The following FOXN3 variants were observed in gnomAD, a reference collection of about 807,000 sequenced individuals.
The protein encoded by FOXN3 is forkhead box N3.
In FOXN3, 7 loss-of-function variants were observed where a neutral mutation model predicts 38.4. The observed-to-expected ratio is 0.18, with a 90% confidence interval of 0.10 to 0.34. The LOEUF (loss-of-function observed/expected upper bound fraction) is 0.34. Ranked by LOEUF, FOXN3 falls within the 10% of genes least tolerant of loss-of-function variation. FOXN3 has a pLI of 1.00. For synonymous variants in FOXN3, 230 were observed against 242.2 expected (o/e 0.95, Z 0.47); for missense variants, 456 against 613.4 (o/e 0.74, Z 2.71).
chr14:89,168,787 A>C (rs1887309029), intron 5 of FOXN3, among the ~76,000 whole-genome samples: 1 of 152,264 alleles, frequency 6.6e-6, no homozygotes, highest in East Asian at 1.9e-4. Context: ...GGGATAAAAA[A>C]AATAAAGTCC....
intron 1 of FOXN3, among the ~76,000 whole-genome samples, chr14:89,534,675 C>T (rs1358102985): frequency 6.6e-6 from 1 of 152,146 alleles, no homozygotes; most frequent in Non-Finnish European, 1.5e-5. Flanking sequence ...TAGAAATGTC[C>T]ATGCCCAGGC....
At chr14:89,328,006 C>A (rs1293244833) in intron 3 of FOXN3, among the ~76,000 whole-genome samples, 2 of 152,218 alleles carry the variant, frequency 1.3e-5, no homozygotes, top group Non-Finnish European at 2.9e-5. Context: ...TAGCATTCTC[C>A]CAGACCACAG....
intron 1 of FOXN3, among the ~76,000 whole-genome samples, chr14:89,577,713 G>A (rs943392260): frequency 5.3e-5 from 8 of 152,058 alleles, no homozygotes; most frequent in Non-Finnish European, 1.0e-4. Flanking sequence ...CTTCGGACCC[G>A]GGGAAAATTC....
intron 1 of FOXN3, among the ~76,000 whole-genome samples, chr14:89,494,471 G>C (rs1277591558): frequency 6.6e-6 from 1 of 152,234 alleles, no homozygotes; most frequent in Non-Finnish European, 1.5e-5. Flanking sequence ...GTCTGCTTAA[G>C]GTGGTGCAGC....
chr14:89,601,308 C>T, intron 1 of FOXN3, among the ~76,000 whole-genome samples: 1 of 152,164 alleles, frequency 6.6e-6, no homozygotes, highest in East Asian at 1.9e-4. Context: ...AAAACACAGG[C>T]TTTATCAGCA....
chr14:89,408,382 T>C (rs4904566), intron 2 of FOXN3, among the ~76,000 whole-genome samples: 151,175 of 151,810 alleles, frequency 1, 75,276 homozygotes, highest in Middle Eastern at 1. Flanking sequence ...CTCAGCCTCC[T>C]GAGTAGCTGG....
At chr14:89,187,020 T>C (rs1887825344) in intron 4 of FOXN3, among the ~76,000 whole-genome samples, 2 of 152,152 alleles carry the variant, frequency 1.3e-5, no homozygotes, top group Admixed American at 6.5e-5. Flanking sequence ...TCTGCCGGCC[T>C]TGAGCTACCT....
At chr14:89,419,254 C>T, upstream of FOXN3, 2 of 453,752 alleles carry the variant, frequency 4.4e-6, no homozygotes, top group Non-Finnish European at 8.9e-6. Context: ...GTCTGCCTGT[C>T]GGTCTATCTG....
intron 1 of FOXN3, among the ~76,000 whole-genome samples, chr14:89,525,512 T>C (rs1191682238): frequency 6.6e-6 from 1 of 152,132 alleles, no homozygotes; most frequent in Non-Finnish European, 1.5e-5. Context: ...TCACCCCTTA[T>C]TTAGCATACA....
At chr14:89,499,349 C>G (rs1292167185) in intron 1 of FOXN3, among the ~76,000 whole-genome samples, 2 of 152,110 alleles carry the variant, frequency 1.3e-5, no homozygotes, top group African/African-American at 4.8e-5. Flanking sequence ...GAAGTGCCGA[C>G]TTTTGGAAGT....
intron 2 of FOXN3, among the ~76,000 whole-genome samples, chr14:89,410,598 C>T (rs1256336811): frequency 1.3e-5 from 2 of 152,172 alleles, no homozygotes; most frequent in African/African-American, 4.8e-5. Context: ...ATAGGCCAGG[C>T]GTGGTGGCTC....
chr14:89,269,962 G>A (rs1320525636), intron 4 of FOXN3, among the ~76,000 whole-genome samples: 1 of 152,154 alleles, frequency 6.6e-6, no homozygotes, highest in Non-Finnish European at 1.5e-5. Context: ...GTACCTTTCT[G>A]AACAAATCTT....
At chr14:89,556,009 T>A (rs1180056259) in intron 1 of FOXN3, among the ~76,000 whole-genome samples, 1 of 152,130 alleles carries the variant, frequency 6.6e-6, no homozygotes, top group Non-Finnish European at 1.5e-5. Flanking sequence ...GAATTTTTAC[T>A]TTCTATTTAC....
chr14:89,277,380 C>T (rs12881312), intron 4 of FOXN3, among the ~76,000 whole-genome samples: 76 of 152,220 alleles, frequency 5.0e-4, no homozygotes, highest in Non-Finnish European at 8.5e-4. Flanking sequence ...CCTTCTAATG[C>T]TCTGCTTGGT....
At chr14:89,464,738 G>C (rs528329829) in intron 1 of FOXN3, among the ~76,000 whole-genome samples, 1 of 151,894 alleles carries the variant, frequency 6.6e-6, no homozygotes, top group Non-Finnish European at 1.5e-5. Context: ...TTGCTCTGTC[G>C]CCAAGCTGGG....
At chr14:89,179,495 G>A (rs945262331) in intron 5 of FOXN3, among the ~76,000 whole-genome samples, 1 of 152,184 alleles carries the variant, frequency 6.6e-6, no homozygotes, top group African/African-American at 2.4e-5. Flanking sequence ...AGAAGGAGAG[G>A]GATGGTACCT....
At chr14:89,579,634 C>T (rs1179187972) in intron 1 of FOXN3, among the ~76,000 whole-genome samples, 1 of 152,164 alleles carries the variant, frequency 6.6e-6, no homozygotes, top group African/African-American at 2.4e-5. Context: ...TCCAGCCACA[C>T]AGGTCCTTCT....
intron 1 of FOXN3, among the ~76,000 whole-genome samples, chr14:89,425,404 G>A (rs1892005623): frequency 6.6e-6 from 1 of 151,012 alleles, no homozygotes; most frequent in East Asian, 2.0e-4. Flanking sequence ...GTCCTGCTCT[G>A]TTGCCCAGGC....
chr14:89,352,605 A>T (rs919121305), intron 2 of FOXN3, among the ~76,000 whole-genome samples: 1 of 152,218 alleles, frequency 6.6e-6, no homozygotes, highest in African/African-American at 2.4e-5. Flanking sequence ...GCTCCAAACC[A>T]GCAATAGCTA....
Sources: gnomAD v4.1 joint callset for allele counts (sites outside exome capture counted in the v4.1 genomes callset) on GRCh38, gnomAD v4.1.1 for gene constraint, MANE v1.5 for transcripts, NCBI Gene and HGNC (gene_info 2026-07-23, HGNC 2026-07-21) for gene names.